TMEM178B: variants seen among roughly 807,000 people sequenced by gnomAD.
TMEM178B encodes the protein transmembrane protein 178B.
In TMEM178B, 5 loss-of-function variants were observed where a neutral mutation model predicts 31.0. The ratio of observed to expected loss-of-function variants is 0.16; its 90% CI spans 0.08 to 0.34. TMEM178B has a LOEUF of 0.34. Among genes scored for constraint, TMEM178B ranks in the 10% least tolerant of loss-of-function variants. The pLI, the probability that TMEM178B is intolerant of heterozygous loss-of-function variation, is 1.00. For synonymous variants in TMEM178B, 164 were observed against 164.0 expected, an observed-to-expected ratio of 1.00 and a Z score of 0.00; for missense variants, 275 against 400.3, an observed-to-expected ratio of 0.69 and a Z score of 2.67.
chr7:141,209,640 T>C (rs1797020435), intron 1 of TMEM178B, among the ~76,000 whole-genome samples: 1 of 152,166 alleles, frequency 6.6e-6, no homozygotes, highest in Admixed American at 6.5e-5. Context: ...GAGTGAGGCA[T>C]GTAAACAGAT....
At chr7:141,187,227 T>C (rs1194019768) in intron 1 of TMEM178B, among the ~76,000 whole-genome samples, 1 of 151,496 alleles carries the variant, frequency 6.6e-6, no homozygotes, top group Non-Finnish European at 1.5e-5. Context: ...TTGCTGAGAA[T>C]GATGGTTTCC....
At chr7:141,224,398 T>G (rs1282068257) in intron 2 of TMEM178B, among the ~76,000 whole-genome samples, 1 of 152,190 alleles carries the variant, frequency 6.6e-6, no homozygotes, top group Non-Finnish European at 1.5e-5. Flanking sequence ...AGTTATAGAC[T>G]CTTGATTACA....
chr7:141,090,096 C>T (rs1316761177), intron 1 of TMEM178B, among the ~76,000 whole-genome samples: 1 of 152,194 alleles, frequency 6.6e-6, no homozygotes, highest in Non-Finnish European at 1.5e-5. Flanking sequence ...CTCTCATCAG[C>T]ATACTTGGAT....
At chr7:141,500,839 G>T in the TMEM178B span, among the ~76,000 whole-genome samples, 1 of 152,174 alleles carries the variant, frequency 6.6e-6, no homozygotes, top group South Asian at 2.1e-4. Context: ...ACTTTCCAAA[G>T]ATCTTTGCCA....
intron 1 of TMEM178B, among the ~76,000 whole-genome samples, chr7:141,168,840 T>A (rs10271398): frequency 6.6e-6 from 1 of 152,176 alleles, no homozygotes; most frequent in Non-Finnish European, 1.5e-5. Context: ...TGTTTCTTTT[T>A]AATTTTTATC....
At chr7:141,216,448 T>TGTGTGTGTGTGCGC (rs1415593747) in intron 2 of TMEM178B, among the ~76,000 whole-genome samples, 7 of 135,840 alleles carry the variant, frequency 5.2e-5, no homozygotes, top group African/African-American at 2.0e-4. Context: ...TGTGTGTGTG[T>TGTGTGTGTGTGCGC]GCGCGCGCGC....
At chr7:141,365,075 G>T (rs1563162725) in intron 2 of TMEM178B, among the ~76,000 whole-genome samples, 1 of 152,208 alleles carries the variant, frequency 6.6e-6, no homozygotes, top group Non-Finnish European at 1.5e-5. Context: ...CTGACTTGGG[G>T]GGCCTGTAGG....
intron 2 of TMEM178B, among the ~76,000 whole-genome samples, chr7:141,375,226 T>C (rs73739822): frequency 0.091 from 13,835 of 152,266 alleles, 675 homozygotes; most frequent in East Asian, 0.16. Context: ...ATTATGCCTA[T>C]GATTATATAA....
At chr7:141,187,162 A>G (rs554227608) in intron 1 of TMEM178B, among the ~76,000 whole-genome samples, 36 of 133,160 alleles carry the variant, frequency 2.7e-4, no homozygotes, top group African/African-American at 9.6e-4. Flanking sequence ...TCATTGTTCA[A>G]TTCCCACCTA....
intron 1 of TMEM178B, among the ~76,000 whole-genome samples, chr7:141,153,158 C>A (rs1796005643): frequency 6.6e-6 from 1 of 152,142 alleles, no homozygotes; most frequent in Non-Finnish European, 1.5e-5. Context: ...TCACAGATAG[C>A]AACTGTTAAT....
chr7:141,283,395 G>A (rs1043308316), intron 2 of TMEM178B, among the ~76,000 whole-genome samples: 1 of 152,194 alleles, frequency 6.6e-6, no homozygotes, highest in Non-Finnish European at 1.5e-5. Context: ...TGAATTTCAA[G>A]TGCACCAGAG....
At chr7:141,362,900 C>T (rs1470163831) in intron 2 of TMEM178B, among the ~76,000 whole-genome samples, 1 of 152,164 alleles carries the variant, frequency 6.6e-6, no homozygotes, top group Non-Finnish European at 1.5e-5. Context: ...TACAGCACAC[C>T]TCTGGCTGGC....
chr7:141,432,611 TG>T (rs1225719122), intron 2 of TMEM178B, among the ~76,000 whole-genome samples: 2 of 152,250 alleles, frequency 1.3e-5, no homozygotes, highest in Non-Finnish European at 2.9e-5. Context: ...GTATTCTTTT[TG>T]TTCCCCACCT....
intron 3 of TMEM178B, among the ~76,000 whole-genome samples, chr7:141,467,940 T>G (rs1802173969): frequency 6.8e-6 from 1 of 147,174 alleles, no homozygotes; most frequent in African/African-American, 2.5e-5. Flanking sequence ...TCTATTTTAC[T>G]GCCCCCTTAC....
intron 2 of TMEM178B, among the ~76,000 whole-genome samples, chr7:141,260,435 C>A (rs1563134480): frequency 6.6e-6 from 1 of 152,078 alleles, no homozygotes. Context: ...ATTTTTTCCC[C>A]CAGTTCTATC....
At chr7:141,166,425 G>A (rs1796261894) in intron 1 of TMEM178B, among the ~76,000 whole-genome samples, 1 of 152,200 alleles carries the variant, frequency 6.6e-6, no homozygotes, top group Non-Finnish European at 1.5e-5. Context: ...AAGCAGCAGT[G>A]CATCCATGTT....
At chr7:141,207,840 TG>T (rs1467310108) in intron 1 of TMEM178B, among the ~76,000 whole-genome samples, 1 of 152,092 alleles carries the variant, frequency 6.6e-6, no homozygotes, top group Admixed American at 6.5e-5. Flanking sequence ...AAGGATCACT[TG>T]AGCACAGGAA....
chr7:141,366,130 C>T (rs1294284669), intron 2 of TMEM178B, among the ~76,000 whole-genome samples: 3 of 152,206 alleles, frequency 2.0e-5, no homozygotes, highest in African/African-American at 7.2e-5. Context: ...ATGATGACTG[C>T]TGAGCATGTG....
intron 1 of TMEM178B, among the ~76,000 whole-genome samples, chr7:141,101,040 C>G (rs1233654416): frequency 6.6e-6 from 1 of 152,196 alleles, no homozygotes; most frequent in Non-Finnish European, 1.5e-5. Context: ...ACACCACTCC[C>G]TGGATCTTTG....
Sources: gnomAD v4.1 joint callset for allele counts (sites outside exome capture counted in the v4.1 genomes callset) on GRCh38, gnomAD v4.1.1 for gene constraint, MANE v1.5 for transcripts, NCBI Gene and HGNC (gene_info 2026-07-23, HGNC 2026-07-21) for gene names.